The following LYST variants were observed in gnomAD, a reference collection of about 807,000 sequenced individuals.
The protein encoded by LYST is lysosomal-trafficking regulator.
In LYST, 192 loss-of-function variants were observed where a neutral mutation model predicts 413.6. That is an observed-to-expected ratio of 0.46 (90% CI 0.41 to 0.52). The LOEUF (loss-of-function observed/expected upper bound fraction) is 0.52, where lower values mean the gene tolerates loss of function less well. Among genes scored for constraint, LYST ranks in the 20% least tolerant of loss-of-function variants. The probability of loss-of-function intolerance (pLI) is 0.00; values close to 1 mark genes in which losing one functional copy is unlikely to be tolerated. For synonymous variants in LYST, 1,525 were observed against 1,567.3 expected, an observed-to-expected ratio of 0.97 and a Z score of 0.64; for missense variants, 3,815 against 4,499.9, an observed-to-expected ratio of 0.85 and a Z score of 4.35.
chr1:235,804,534 A>C lies in LYST; in HGVS notation c.3525T>G (p.Asp1175Glu), dbSNP rs1467755439. ...LRVALGNYSADFEHNDAMTEK... is the reference protein window; with the variant it reads ...LRVALGNYSAEFEHNDAMTEK... ...CAGTCATAGCATCATTATGTTCAAA[A>C]TCTGCTGAATAATTCCCGAGGGCAA... The change falls in exon 7 of 53, where the codon GAT becomes GAG. Residue 1175 changes from aspartate (D) to glutamate (E), a missense_variant. Physicochemically the swap from Asp to Glu is conservative, Grantham distance 45. This residue lies in a region of LYST where 1,648 missense variants were observed against 1,810.3 expected (regional missense o/e 0.91). Coordinates refer to ENST00000389793, the MANE Select transcript of LYST (RefSeq NM_000081.4). The C allele has an allele frequency of 1.2e-6, 2 of 1,613,778 alleles. No individual in the cohort carries two copies.
intron 3 of LYST, 118 bp downstream of exon 3, chr1:235,830,098 TAGTGGAATAA>T: frequency 1.5e-6 from 1 of 680,508 alleles, no homozygotes; most frequent in South Asian, 1.7e-5. Context: ...ACTTTTTTTT[TAGTGGAATAA>T]TGTGAAAGAC....
chr1:235,870,764 GA>G (rs1680889171), upstream of LYST, among the ~76,000 whole-genome samples: 1 of 152,180 alleles, frequency 6.6e-6, no homozygotes, highest in Non-Finnish European at 1.5e-5. Flanking sequence ...CCAAGGACCA[GA>G]ACAGTGCCTG....
intron 38 of LYST, among the ~76,000 whole-genome samples, chr1:235,727,124 C>CT (rs763736405): frequency 0.18 from 24,525 of 135,014 alleles, 2,561 homozygotes; most frequent in African/African-American, 0.24. Context: ...TTCTTTCTTT[C>CT]TTTTTTTTTT....
rs1228351021 is a variant in LYST, at chr1:235,806,885, C to T, written c.2364-113G>A. On this transcript the variant is annotated intron_variant, in intron 5 of 52. Coordinates refer to ENST00000389793, the MANE Select transcript of LYST (RefSeq NM_000081.4). ...TGCATGTGGGATATACTAACCACTA[C>T]CTAATTTTATTCATCAATTATCAGG... 9 of 723,404 alleles carry T rather than the reference C, an allele frequency of 1.2e-5. No homozygotes were observed. In the East Asian group the frequency reaches 1.6e-4, roughly 13 times the overall value. The allele number at this position is 723,404 out of a possible 1,614,324, so 44.8% of individuals were successfully genotyped here. A position where few individuals can be genotyped will look rare whatever the true frequency, so the allele number is the denominator to read the frequency against.
At chr1:235,693,036 C>T (rs1437531991) in intron 47 of LYST, among the ~76,000 whole-genome samples, 1 of 149,982 alleles carries the variant, frequency 6.7e-6, no homozygotes, top group East Asian at 2.0e-4. Context: ...AAAAAGTTGG[C>T]CAGGTGTGGT....
At chr1:235,853,784 C>T (rs950105721) in intron 1 of LYST, among the ~76,000 whole-genome samples, 1 of 151,950 alleles carries the variant, frequency 6.6e-6, no homozygotes, top group African/African-American at 2.4e-5. Flanking sequence ...CATAGGGCAG[C>T]CAGGCAAAAT....
In LYST at chr1:235,702,981, C is replaced by T. The variant is rs763295516; in HGVS notation, c.10144-4G>A. 1 of 1,593,770 alleles carries T rather than the reference C, an allele frequency of 6.3e-7. No homozygotes were observed. Among genetic ancestry groups the T allele is most frequent in the Non-Finnish European group, 8.6e-7 (1 of 1,161,582 alleles). On this transcript the variant is annotated splice_polypyrimidine_tract_variant and splice_region_variant and intron_variant, in intron 44 of 52. Coordinates refer to ENST00000389793, the MANE Select transcript of LYST (RefSeq NM_000081.4). ...AGACATCCATTCCAAAATATGTCTG[C>T]AGAGTGAAAGAGTAAAGGAACAAGA...
At chr1:235,765,411 T>C (rs568984555) in intron 21 of LYST, among the ~76,000 whole-genome samples, 7 of 152,232 alleles carry the variant, frequency 4.6e-5, no homozygotes, top group Non-Finnish European at 2.9e-5. Context: ...AATTTACTTA[T>C]AGCCTTTGCT....
In LYST at chr1:235,715,322, T is replaced by C. The variant is rs1392472237; in HGVS notation, c.9663A>G (p.Glu3221=). Residue 3221 remains glutamate, a synonymous_variant, in exon 42 of 53, where the codon GAA becomes GAG. Coordinates refer to ENST00000389793, the MANE Select transcript of LYST (RefSeq NM_000081.4). ...LEEEYRKGAR[E]DDPMPPVQPY... The stretch of plus-strand genomic sequence containing the variant: ...GCTGCACGGGAGGCATGGGGTCATC[T>C]TCTCTGGCTCCTTTGCGGTACTCTT... 2 of 1,614,050 alleles carry C rather than the reference T, an allele frequency of 1.2e-6. No homozygotes were observed. Among genetic ancestry groups the C allele is most frequent in the South Asian group, 1.1e-5 (1 of 91,078 alleles).
intron 45 of LYST, among the ~76,000 whole-genome samples, chr1:235,699,835 C>T (rs1015341108): frequency 6.6e-6 from 1 of 152,008 alleles, no homozygotes; most frequent in African/African-American, 2.4e-5. Context: ...ATCAGTGATC[C>T]TGAGCTTTTT....
At chr1:235,867,608 G>T (rs1172866544), upstream of LYST, among the ~76,000 whole-genome samples, 1 of 152,174 alleles carries the variant, frequency 6.6e-6, no homozygotes, top group African/African-American at 2.4e-5. Context: ...TAATAGACCA[G>T]TCCCTCCAGA....
chr1:235,730,547 G>GTA (rs1664279650), intron 36 of LYST, among the ~76,000 whole-genome samples: 1 of 149,660 alleles, frequency 6.7e-6, no homozygotes, highest in African/African-American at 2.5e-5. Context: ...CCATATATGT[G>GTA]TATATATATA....
chr1:235,802,807 TA>T, intron 8 of LYST, 100 bp downstream of exon 8: 1 of 1,067,266 alleles, frequency 9.4e-7, no homozygotes, highest in Non-Finnish European at 1.4e-6. Context: ...TGTTAAACTG[TA>T]AGGCAATACA....
At chr1:235,823,281 C>T (rs536691545) in intron 3 of LYST, among the ~76,000 whole-genome samples, 8 of 152,330 alleles carry the variant, frequency 5.3e-5, no homozygotes, top group African/African-American at 1.9e-4. Flanking sequence ...ATGCCAACAT[C>T]CCCTACATCC....
intron 21 of LYST, among the ~76,000 whole-genome samples, chr1:235,764,702 C>T (rs1667959503): frequency 6.6e-6 from 1 of 151,564 alleles, no homozygotes; most frequent in Non-Finnish European, 1.5e-5. Flanking sequence ...GGGGTTTTGC[C>T]ATGTTGGTCA....
intron 40 of LYST, among the ~76,000 whole-genome samples, chr1:235,720,173 CAAAAA>C (rs71576484): frequency 9.5e-4 from 9 of 9,472 alleles, no homozygotes; most frequent in African/African-American, 2.1e-3. Flanking sequence ...GACTCTGTCT[CAAAAA>C]AAAAAAAAAA....
intron 50 of LYST, among the ~76,000 whole-genome samples, chr1:235,672,978 C>T (rs759409037): frequency 5.3e-5 from 8 of 152,138 alleles, no homozygotes; most frequent in Admixed American, 2.0e-4. Flanking sequence ...CCCAGTTCAC[C>T]GACACCAACC....
chr1:235,764,974 T>C (rs1397729065), intron 21 of LYST, among the ~76,000 whole-genome samples: 1 of 152,192 alleles, frequency 6.6e-6, no homozygotes, highest in Non-Finnish European at 1.5e-5. Context: ...TTCATTCTTG[T>C]CCTACCCTCC....
intron 3 of LYST, among the ~76,000 whole-genome samples, chr1:235,819,937 C>T (rs1356388536): frequency 2.0e-5 from 3 of 152,206 alleles, no homozygotes; most frequent in Admixed American, 6.5e-5. Context: ...TGAGCCACCG[C>T]GCCCAGCCAA....
Sources: gnomAD v4.1 joint callset for allele counts (sites outside exome capture counted in the v4.1 genomes callset) on GRCh38, gnomAD v4.1.1 for gene constraint, gnomAD v4.1.1 regional missense constraint, MANE v1.5 for transcripts, NCBI Gene and HGNC (gene_info 2026-07-23, HGNC 2026-07-21) for gene names.